TOR1AIP1: variants seen among roughly 807,000 people sequenced by gnomAD.
TOR1AIP1 encodes torsin-1A-interacting protein 1.
TOR1AIP1 carries 54 observed loss-of-function variants against 63.3 expected under a neutral mutation model. The ratio of observed to expected loss-of-function variants is 0.85; its 90% confidence interval spans 0.69 to 1.07. The LOEUF is 1.07. Among genes scored for constraint, TOR1AIP1 ranks in the 50% least tolerant of loss-of-function variants. The probability of loss-of-function intolerance (pLI) is 0.00; values close to 1 mark genes in which losing one functional copy is unlikely to be tolerated. For synonymous variants in TOR1AIP1, 294 were observed against 273.5 expected (o/e 1.07, Z -0.74); for missense variants, 736 against 715.0 (o/e 1.03, Z -0.33).
rs551878365 is a variant in TOR1AIP1 at position 179,904,156 on chromosome 1, C to T, written c.796+134C>T. On this transcript the variant is annotated intron_variant, in intron 6 of 9. Transcript: ENST00000606911. ...AATGAATGCTAAAAAAAAACTTATCCGATATCTCTCTACCACTTGACCTTG... is the reference window on the plus strand; with the variant it reads ...AATGAATGCTAAAAAAAAACTTATCTGATATCTCTCTACCACTTGACCTTG... The T allele has an allele frequency of 1.6e-4, 101 of 616,920 alleles. 1 individual carries two copies. In the South Asian group the frequency reaches 1.6e-3, roughly 10 times the overall value. The allele number at this position is 616,920 out of a possible 1,614,324, so 38.2% of individuals were successfully genotyped here.
rs1235891684 is a variant in TOR1AIP1, at chr1:179,919,910, T to C, written c.*1671T>C. 2.0e-5 allele frequency: 3 copies of C among 152,232 alleles called. No individual in the cohort carries two copies. The highest frequency in any genetic ancestry group is 7.2e-5 in the African/African-American group (3 of 41,472). 9.4% of individuals were successfully genotyped at this position (152,232 alleles called of 1,614,324 possible). A position where few individuals can be genotyped will look rare whatever the true frequency, so the allele number is the denominator to read the frequency against. ...AGGCTTATTTTATACATACGTATTA[T>C]ATAGAGAAACAAATGTTTTTATTAA... is the stretch of plus-strand genomic sequence containing the variant. On this transcript the variant is annotated 3_prime_UTR_variant, in exon 10 of 10. Transcript: ENST00000606911.
chr1:179,889,188 A>T, intron 2 of TOR1AIP1, 125 bp from the exon 3 acceptor site: 1 of 610,834 alleles, frequency 1.6e-6, no homozygotes, highest in Non-Finnish European at 2.6e-6. Flanking sequence ...GCTTGTCTCT[A>T]CTTCTCTAGC....
intron 3 of TOR1AIP1, among the ~76,000 whole-genome samples, chr1:179,892,613 C>T (rs1314100533): frequency 1.3e-5 from 2 of 151,870 alleles, no homozygotes; most frequent in African/African-American, 2.4e-5. Flanking sequence ...TGGCGGGTGC[C>T]TGTAGTCCCA....
At chr1:179,907,901 C>G in intron 7 of TOR1AIP1, 37 bp downstream of exon 7, 1 of 830,596 alleles carries the variant, frequency 1.2e-6, no homozygotes, top group Non-Finnish European at 1.9e-6. Flanking sequence ...TTCAGCCAAT[C>G]AATTCTTTTC....
In TOR1AIP1 at chr1:179,884,754, A is replaced by G. The variant is rs1191285522; in HGVS notation, c.538A>G (p.Ile180Val). The change falls in exon 2 of 10, where the codon ATA (isoleucine) becomes GTA (valine). Residue 180 changes from isoleucine (I) to valine (V), a missense_variant. Physicochemically the swap from Ile to Val is conservative, Grantham distance 29. Around this residue, in one of 2 missense-constraint regions of TOR1AIP1, gnomAD observed 464 missense variants for 371.0 expected, o/e 1.25. Coordinates refer to ENST00000606911, the MANE Select transcript of TOR1AIP1 (RefSeq NM_015602.4). ...QTISKKTVRS[I>V]QEAPVSEDLV... ...GATCTCAAAGAAAACTGTCAGGAGC[A>G]TACAAGAGGCTCCAGGTAAGAATAG... is the stretch of plus-strand genomic sequence containing the variant. The G allele has an allele frequency of 1.2e-6, 2 of 1,610,162 alleles. No individual in the cohort carries two copies. Among genetic ancestry groups the G allele is most frequent in the South Asian group, 1.1e-5 (1 of 90,154 alleles).
At chr1:179,902,233 C>T (rs1440748994) in intron 5 of TOR1AIP1, among the ~76,000 whole-genome samples, 1 of 151,750 alleles carries the variant, frequency 6.6e-6, no homozygotes. Context: ...ACCATGTTGG[C>T]CAGGCTGGTC....
intron 6 of TOR1AIP1, among the ~76,000 whole-genome samples, chr1:179,907,593 T>TTATATATATATATATATATATA (rs55752745): frequency 4.9e-3 from 309 of 62,950 alleles, no homozygotes; most frequent in Middle Eastern, 0.02. Context: ...CACACACACT[T>TTATATATATATATATATATATA]TATATATATA....
rs1407200979 is a variant in TOR1AIP1 at position 179,918,124 on chromosome 1, C to G, written c.1637C>G (p.Pro546Arg). 1 of 1,613,772 alleles carries G rather than the reference C, an allele frequency of 6.2e-7. No individual in the cohort carries two copies. Among genetic ancestry groups the G allele is most frequent in the Non-Finnish European group, 8.5e-7 (1 of 1,180,040 alleles). The change falls in exon 10 of 10, where the codon CCC becomes CGC. Residue 546 changes from proline to arginine, a missense_variant. By Grantham distance (103) the Pro-to-Arg change is moderately radical. Coordinates refer to ENST00000606911, the MANE Select transcript of TOR1AIP1 (RefSeq NM_015602.4). ...LKVKFTNSNT[P>R]NSYNHMDPDK... The stretch of plus-strand genomic sequence containing the variant: ...GTCAAGTTCACCAATTCTAACACAC[C>G]CAACTCCTACAATCATATGGACCCA...
chr1:179,883,758 AAAGT>A (rs1467070245), intron 1 of TOR1AIP1: 1 of 453,444 alleles, frequency 2.2e-6, no homozygotes, highest in Non-Finnish European at 4.4e-6. Context: ...GGATGCTGAC[AAAGT>A]GAGTGTATAG....
At chr1:179,894,648 C>T (rs746233326) in intron 3 of TOR1AIP1, among the ~76,000 whole-genome samples, 13 of 151,928 alleles carry the variant, frequency 8.6e-5, no homozygotes, top group Non-Finnish European at 1.9e-4. Context: ...ATCGTGCCAT[C>T]GCACTCCACT....
intron 8 of TOR1AIP1, 109 bp downstream of exon 8, chr1:179,908,782 C>A: frequency 2.2e-6 from 2 of 896,782 alleles, no homozygotes; most frequent in Non-Finnish European, 3.5e-6. Flanking sequence ...TGTGATTTCA[C>A]TAATAAAGTA....
chr1:179,907,125 T>C (rs1648661720), intron 6 of TOR1AIP1, among the ~76,000 whole-genome samples: 1 of 151,734 alleles, frequency 6.6e-6, no homozygotes, highest in Admixed American at 6.6e-5. Flanking sequence ...GGCTCATGCC[T>C]GTAATCCCAG....
At chr1:179,906,022 A>G (rs1648624290) in intron 6 of TOR1AIP1, among the ~76,000 whole-genome samples, 1 of 152,150 alleles carries the variant, frequency 6.6e-6, no homozygotes, top group Admixed American at 6.5e-5. Flanking sequence ...AAAGTTGATC[A>G]AGATATATTT....
At position 179,882,411 on chromosome 1, in the gene TOR1AIP1, C is replaced by T. The variant is rs1647729470; in HGVS notation, c.-92C>T. On this transcript the variant is annotated 5_prime_UTR_variant, in exon 1 of 10. Transcript: ENST00000606911. ...CTCCCTGACCACAGCGGCCACCGCC[C>T]AACACCCCCGAGAAGCCATCGCCAC... The T allele has an allele frequency of 3.1e-6, 4 of 1,290,310 alleles. No homozygotes were observed. Among genetic ancestry groups the T allele is most frequent in the Non-Finnish European group, 4.0e-6 (4 of 990,556 alleles). The allele number at this position is 1,290,310 out of a possible 1,614,324, so 79.9% of individuals were successfully genotyped here. A position where few individuals can be genotyped will look rare whatever the true frequency, so the allele number is the denominator to read the frequency against.
intron 2 of TOR1AIP1, among the ~76,000 whole-genome samples, chr1:179,886,459 C>A (rs1390656727): frequency 6.6e-6 from 1 of 152,162 alleles, no homozygotes; most frequent in Non-Finnish European, 1.5e-5. Flanking sequence ...GAGCCTTAGG[C>A]CTTTACCTGT....
chr1:179,902,945 C>T (rs1648512272), intron 5 of TOR1AIP1, among the ~76,000 whole-genome samples: 1 of 151,744 alleles, frequency 6.6e-6, no homozygotes, highest in Non-Finnish European at 1.5e-5. Flanking sequence ...GTACATAAAC[C>T]TCAGGTCCTG....
At chr1:179,884,886 A>C in intron 2 of TOR1AIP1, 117 bp downstream of exon 2, 1 of 690,476 alleles carries the variant, frequency 1.4e-6, no homozygotes, top group Non-Finnish European at 2.4e-6. Context: ...TGAGTACTCA[A>C]GAGTACCAGC....
intron 3 of TOR1AIP1, among the ~76,000 whole-genome samples, chr1:179,896,315 T>G (rs574123640): frequency 2.0e-5 from 3 of 152,248 alleles, no homozygotes; most frequent in Middle Eastern, 3.4e-3. Context: ...TCTCACTCTG[T>G]CACCCAGGCT....
At chr1:179,889,260 G>GT in intron 2 of TOR1AIP1, 53 bp from the exon 3 acceptor site, 1 of 1,393,264 alleles carries the variant, frequency 7.2e-7, no homozygotes, top group African/African-American at 1.4e-5. Flanking sequence ...AATAAAGCTA[G>GT]TATGTTTCAC....
Sources: allele counts gnomAD v4.1 joint callset (sites outside exome capture counted in the v4.1 genomes callset), GRCh38; gene constraint gnomAD v4.1.1; regional missense constraint gnomAD v4.1.1; transcripts MANE v1.5; gene names NCBI Gene and HGNC (gene_info 2026-07-23, HGNC 2026-07-21).